The following HIBADH variants were observed in gnomAD, a reference collection of about 807,000 sequenced individuals.
HIBADH encodes 3-hydroxyisobutyrate dehydrogenase.
Under a neutral mutation model 36.1 loss-of-function variants are expected in HIBADH, and 25 were observed. The observed-to-expected ratio is 0.69, with a 90% CI of 0.50 to 0.97. The LOEUF is 0.97. Ranked by LOEUF, HIBADH falls within the 50% of genes least tolerant of loss-of-function variation. The pLI is 0.00. For synonymous variants in HIBADH, 160 were observed against 149.5 expected (o/e 1.07, Z -0.51); for missense variants, 421 against 418.0 (o/e 1.01, Z -0.06).
At chr7:27,627,685 T>C (rs1380572157) in intron 4 of HIBADH, among the ~76,000 whole-genome samples, 1 of 152,174 alleles carries the variant, frequency 6.6e-6, no homozygotes, top group Non-Finnish European at 1.5e-5. Flanking sequence ...ATAAGACCAA[T>C]ATAAATAAGC....
intron 4 of HIBADH, among the ~76,000 whole-genome samples, chr7:27,578,043 A>G (rs1488634250): frequency 3.3e-5 from 5 of 152,228 alleles, no homozygotes; most frequent in Non-Finnish European, 5.9e-5. Context: ...TGTTATTAGC[A>G]TCCATTGTTC....
intron 6 of HIBADH, among the ~76,000 whole-genome samples, chr7:27,534,433 G>C (rs1222388882): frequency 6.6e-6 from 1 of 152,168 alleles, no homozygotes; most frequent in Admixed American, 6.6e-5. Context: ...TGCAGCGAAG[G>C]AGACAGTAAG....
intron 7 of HIBADH, among the ~76,000 whole-genome samples, chr7:27,529,254 AAG>A (rs1260039240): frequency 6.6e-6 from 1 of 152,032 alleles, no homozygotes; most frequent in Non-Finnish European, 1.5e-5. Context: ...CCATGGATCA[AAG>A]AGTCATTTTT....
At chr7:27,629,233 CA>C in intron 4 of HIBADH, 137 bp downstream of exon 4, 1 of 702,568 alleles carries the variant, frequency 1.4e-6, no homozygotes, top group Non-Finnish European at 2.3e-6. Context: ...AATAACGTAT[CA>C]GTTTGGCTTT....
intron 4 of HIBADH, among the ~76,000 whole-genome samples, chr7:27,547,897 C>T (rs1324583914): frequency 1.3e-5 from 2 of 152,104 alleles, no homozygotes; most frequent in Non-Finnish European, 2.9e-5. Flanking sequence ...ACTACATTAA[C>T]TCTAAAAAGC....
chr7:27,533,093 C>A (rs1436356237), intron 6 of HIBADH, among the ~76,000 whole-genome samples: 1 of 152,152 alleles, frequency 6.6e-6, no homozygotes, highest in Non-Finnish European at 1.5e-5. Flanking sequence ...TAACTTAGAT[C>A]TTTTAAGATG....
chr7:27,623,046 T>A (rs1785572371), intron 4 of HIBADH, among the ~76,000 whole-genome samples: 2 of 152,028 alleles, frequency 1.3e-5, no homozygotes, highest in African/African-American at 4.8e-5. Context: ...CAGTAGCATA[T>A]CAAAAAGATA....
intron 4 of HIBADH, among the ~76,000 whole-genome samples, chr7:27,581,122 G>A (rs1411826882): frequency 6.6e-6 from 1 of 152,168 alleles, no homozygotes. Context: ...ATGGACTAAG[G>A]AAATGAAGGG....
chr7:27,542,925 T>C (rs1188429080), intron 5 of HIBADH, 42 bp downstream of exon 5: 2 of 1,592,222 alleles, frequency 1.3e-6, no homozygotes, highest in East Asian at 2.2e-5. Context: ...CATTAGTCAA[T>C]TTTACATCAT....
chr7:27,625,622 G>A (rs1055079301), intron 4 of HIBADH, among the ~76,000 whole-genome samples: 5 of 152,022 alleles, frequency 3.3e-5, no homozygotes, highest in Admixed American at 2.0e-4. Flanking sequence ...TAGGGGGTAC[G>A]TATTAGTTCA....
intron 1 of HIBADH, among the ~76,000 whole-genome samples, chr7:27,656,497 G>GA (rs969294537): frequency 6.6e-6 from 1 of 151,770 alleles, no homozygotes; most frequent in African/African-American, 2.4e-5. Flanking sequence ...AAAATTATAG[G>GA]AAAAAATCTC....
intron 4 of HIBADH, among the ~76,000 whole-genome samples, chr7:27,617,269 C>A (rs1227914360): frequency 6.6e-6 from 1 of 152,168 alleles, no homozygotes; most frequent in Non-Finnish European, 1.5e-5. Flanking sequence ...AGTATAGTAA[C>A]ATGTTGTATA....
intron 4 of HIBADH, among the ~76,000 whole-genome samples, chr7:27,544,745 C>T (rs1784210170): frequency 6.6e-6 from 1 of 152,104 alleles, no homozygotes; most frequent in African/African-American, 2.4e-5. Flanking sequence ...AATAGTTTTG[C>T]TTTGTATTTA....
At chr7:27,607,516 A>C (rs1029873079) in intron 4 of HIBADH, among the ~76,000 whole-genome samples, 5 of 152,178 alleles carry the variant, frequency 3.3e-5, no homozygotes, top group Non-Finnish European at 7.4e-5. Context: ...CTCAAAAAAA[A>C]ACAAAAAAAG....
At chr7:27,553,020 T>G (rs1364737448) in intron 4 of HIBADH, among the ~76,000 whole-genome samples, 1 of 152,194 alleles carries the variant, frequency 6.6e-6, no homozygotes, top group African/African-American at 2.4e-5. Context: ...TATATACGAT[T>G]GTGAAACATC....
intron 1 of HIBADH, among the ~76,000 whole-genome samples, chr7:27,658,602 A>G (rs1786352351): frequency 1.3e-5 from 2 of 152,202 alleles, no homozygotes; most frequent in African/African-American, 2.4e-5. Context: ...TTTTCTATTC[A>G]AAGTAATGCA....
intron 2 of HIBADH, among the ~76,000 whole-genome samples, chr7:27,632,949 A>T (rs1388495963): frequency 6.6e-6 from 1 of 152,130 alleles, no homozygotes; most frequent in Non-Finnish European, 1.5e-5. Flanking sequence ...AAAAAAGAAG[A>T]AAGTATCTGT....
intron 4 of HIBADH, among the ~76,000 whole-genome samples, chr7:27,560,782 A>G (rs1784452759): frequency 6.6e-6 from 1 of 152,206 alleles, no homozygotes; most frequent in African/African-American, 2.4e-5. Context: ...TACTGCTGCT[A>G]TGAACATATG....
At chr7:27,627,133 A>G (rs561967856) in intron 4 of HIBADH, among the ~76,000 whole-genome samples, 32 of 152,308 alleles carry the variant, frequency 2.1e-4, no homozygotes, top group African/African-American at 7.2e-4. Flanking sequence ...GTCATGCGGC[A>G]TGCTGACCAC....
Sources: gnomAD v4.1 joint callset for allele counts (sites outside exome capture counted in the v4.1 genomes callset) on GRCh38, gnomAD v4.1.1 for gene constraint, MANE v1.5 for transcripts, NCBI Gene and HGNC (gene_info 2026-07-23, HGNC 2026-07-21) for gene names.